The following GUCY1A2 variants were observed in gnomAD, a reference collection of about 807,000 sequenced individuals.
GUCY1A2 encodes guanylate cyclase 1 soluble subunit alpha 2.
GUCY1A2 carries 27 observed loss-of-function variants against 63.5 expected under a neutral mutation model. The ratio of observed to expected loss-of-function variants is 0.43; its 90% confidence interval spans 0.31 to 0.59. The LOEUF (loss-of-function observed/expected upper bound fraction) is 0.59, where lower values mean the gene tolerates loss of function less well. GUCY1A2 is among the 20% of genes least tolerant of loss of function. The pLI, the probability that GUCY1A2 is intolerant of heterozygous loss-of-function variation, is 0.11. For synonymous variants in GUCY1A2, 364 were observed against 343.5 expected (o/e 1.06, Z -0.66); for missense variants, 768 against 913.3 (o/e 0.84, Z 2.05).
intron 7 of GUCY1A2, among the ~76,000 whole-genome samples, chr11:106,698,230 C>A (rs1458505454): frequency 6.7e-6 from 1 of 148,626 alleles, no homozygotes; most frequent in Admixed American, 6.8e-5. Flanking sequence ...AGTGATCCCC[C>A]TGCCTCAGCC....
chr11:106,853,258 G>GA (rs552445687), intron 4 of GUCY1A2, among the ~76,000 whole-genome samples: 1,958 of 152,148 alleles, frequency 0.013, 28 homozygotes, highest in South Asian at 0.048. Flanking sequence ...TTCTCCTTCT[G>GA]AAAATCCAAA....
intron 4 of GUCY1A2, among the ~76,000 whole-genome samples, chr11:106,891,229 C>A (rs1015174418): frequency 1.3e-5 from 2 of 152,130 alleles, no homozygotes; most frequent in East Asian, 1.9e-4. Flanking sequence ...ATGTAAGCAT[C>A]TTTTTCTATA....
At chr11:106,722,854 A>G (rs962164137) in intron 6 of GUCY1A2, among the ~76,000 whole-genome samples, 3 of 151,988 alleles carry the variant, frequency 2.0e-5, no homozygotes, top group African/African-American at 7.2e-5. Context: ...ATCCCTTTGC[A>G]TATAGAACCA....
chr11:106,862,196 G>A (rs1248721213), intron 4 of GUCY1A2, among the ~76,000 whole-genome samples: 2 of 151,848 alleles, frequency 1.3e-5, no homozygotes, highest in Admixed American at 6.6e-5. Flanking sequence ...TAGGCTTTGA[G>A]GTCACAGAAG....
chr11:106,771,632 G>A (rs1301902204), intron 6 of GUCY1A2, among the ~76,000 whole-genome samples: 4 of 151,906 alleles, frequency 2.6e-5, no homozygotes, highest in Non-Finnish European at 4.4e-5. Flanking sequence ...CATGTTTGTG[G>A]TCCCAGCTAC....
chr11:106,733,179 T>G (rs1055560952), intron 6 of GUCY1A2, among the ~76,000 whole-genome samples: 4 of 151,872 alleles, frequency 2.6e-5, no homozygotes, highest in South Asian at 2.1e-4. Flanking sequence ...GTTGCAATCT[T>G]TTAGTGAGTT....
chr11:106,986,152 T>A (rs368262649), intron 1 of GUCY1A2, 21 bp from the exon 2 acceptor site: 3 of 1,215,724 alleles, frequency 2.5e-6, no homozygotes, highest in African/African-American at 1.5e-5. Flanking sequence ...ATAATAATAA[T>A]AAAAACATAT....
chr11:106,808,660 C>G (rs1030849912), intron 5 of GUCY1A2, among the ~76,000 whole-genome samples: 1 of 151,936 alleles, frequency 6.6e-6, no homozygotes, highest in African/African-American at 2.4e-5. Context: ...AAAAACATGA[C>G]TGCTTTAACT....
At chr11:106,884,715 T>C (rs1041037836) in intron 4 of GUCY1A2, among the ~76,000 whole-genome samples, 38 of 152,284 alleles carry the variant, frequency 2.5e-4, no homozygotes, top group African/African-American at 8.4e-4. Context: ...AAAATGTCCC[T>C]GGAGGTAATG....
chr11:106,952,840 A>G (rs1274685098), intron 3 of GUCY1A2, among the ~76,000 whole-genome samples: 2 of 152,142 alleles, frequency 1.3e-5, no homozygotes, highest in Non-Finnish European at 1.5e-5. Flanking sequence ...GGGTTTCACC[A>G]TGTTGGCCAG....
At chr11:106,780,975 T>C (rs918542110) in intron 5 of GUCY1A2, among the ~76,000 whole-genome samples, 3 of 152,072 alleles carry the variant, frequency 2.0e-5, no homozygotes, top group African/African-American at 7.2e-5. Context: ...TGTTAGTGGA[T>C]TCCTTCAAAG....
intron 4 of GUCY1A2, chr11:106,826,632 C>T (rs1241748575): frequency 1.2e-6 from 2 of 1,605,626 alleles, no homozygotes; most frequent in East Asian, 4.5e-5. Flanking sequence ...ATTTTCCCAG[C>T]AGTACAACCT....
intron 5 of GUCY1A2, among the ~76,000 whole-genome samples, chr11:106,807,247 T>A (rs1232457492): frequency 6.6e-6 from 1 of 152,202 alleles, no homozygotes; most frequent in Non-Finnish European, 1.5e-5. Context: ...CTGGGATTCT[T>A]TGTTTCAATA....
chr11:106,837,992 A>C (rs1276973548), intron 4 of GUCY1A2, among the ~76,000 whole-genome samples: 1 of 151,928 alleles, frequency 6.6e-6, no homozygotes, highest in Admixed American at 6.6e-5. Context: ...TATTCTGAGC[A>C]CACACTCTAT....
chr11:106,890,874 C>T (rs868085710), intron 4 of GUCY1A2, among the ~76,000 whole-genome samples: 1 of 152,074 alleles, frequency 6.6e-6, no homozygotes, highest in Non-Finnish European at 1.5e-5. Context: ...TAATGTTATA[C>T]CCTATTAAAG....
intron 4 of GUCY1A2, among the ~76,000 whole-genome samples, chr11:106,849,930 T>C (rs1447655597): frequency 1.3e-5 from 2 of 151,742 alleles, no homozygotes; most frequent in Non-Finnish European, 3.0e-5. Flanking sequence ...AGTATACAAT[T>C]CAGTGGATTT....
chr11:106,780,778 TTAAG>T (rs1309617481), intron 5 of GUCY1A2, among the ~76,000 whole-genome samples: 1 of 152,184 alleles, frequency 6.6e-6, no homozygotes, highest in African/African-American at 2.4e-5. Context: ...GGCATATACA[TTAAG>T]TAAAGTGTAT....
intron 6 of GUCY1A2, among the ~76,000 whole-genome samples, chr11:106,769,703 A>C (rs997146778): frequency 3.3e-5 from 5 of 152,156 alleles, no homozygotes; most frequent in Non-Finnish European, 5.9e-5. Flanking sequence ...TGACTTATGA[A>C]AACTGCCACT....
intron 7 of GUCY1A2, among the ~76,000 whole-genome samples, chr11:106,708,131 C>T (rs868428987): frequency 5.3e-5 from 8 of 151,700 alleles, no homozygotes; most frequent in Non-Finnish European, 8.8e-5. Flanking sequence ...AAAAAACAGT[C>T]CAACCACCTT....
Sources: gnomAD v4.1 joint callset for allele counts (sites outside exome capture counted in the v4.1 genomes callset) on GRCh38, gnomAD v4.1.1 for gene constraint, MANE v1.5 for transcripts, NCBI Gene and HGNC (gene_info 2026-07-23, HGNC 2026-07-21) for gene names.